EDNRB: variants seen among roughly 807,000 people sequenced by gnomAD.
The protein encoded by EDNRB is endothelin receptor type B.
EDNRB carries 18 observed loss-of-function variants against 46.4 expected under a neutral mutation model. The ratio of observed to expected loss-of-function variants is 0.39; its 90% CI spans 0.27 to 0.57. The LOEUF (loss-of-function observed/expected upper bound fraction) is 0.57, where lower values mean the gene tolerates loss of function less well. Among genes scored for constraint, EDNRB ranks in the 20% least tolerant of loss-of-function variants. EDNRB has a pLI of 0.61. For missense variants in EDNRB, 434 were observed against 537.5 expected (o/e 0.81, Z 1.90); for synonymous variants, 213 against 204.9 (o/e 1.04, Z -0.34).
intron 1 of EDNRB, among the ~76,000 whole-genome samples, chr13:77,963,295 A>G (rs1260284606): frequency 6.6e-6 from 1 of 152,240 alleles, no homozygotes; most frequent in Non-Finnish European, 1.5e-5. Flanking sequence ...GAACCAAAAA[A>G]GAGCTCACAT....
intron 1 of EDNRB, among the ~76,000 whole-genome samples, chr13:77,964,376 C>T (rs891229516): frequency 2.0e-5 from 3 of 152,192 alleles, no homozygotes; most frequent in Admixed American, 2.0e-4. Context: ...TTGGAACCAA[C>T]CCAAATGTCC....
rs564797676 is a variant in EDNRB at position 77,906,351 on chromosome 13, A to G, written c.484-2744T>C. Among the ~76,000 whole-genome samples, 3 of 152,146 alleles carry G rather than the reference A, an allele frequency of 2.0e-5. No individual in the cohort carries two copies. The South Asian group carries it at 6.2e-4, about 32-fold the overall frequency. On this transcript the variant is annotated intron_variant, in intron 1 of 6. Transcript: ENST00000646607. ...ATTATGCTAGACCCAGCCTGGTACA[A>G]CTTATTCAGACAATATTCTGCTATT...
In EDNRB at chr13:77,948,411, G is replaced by A. The variant is rs545623862; in HGVS notation, c.-52+26936C>T. On this transcript the variant is annotated intron_variant, in intron 1 of 7. Transcript: ENST00000646948. Reference sequence around the variant, plus strand: ...CCATGTCTTTATTTGAGCTTGGGGAGAATTGCACAGTGCAGTGCTTGGTAC... The same window carrying A: ...CCATGTCTTTATTTGAGCTTGGGGAAAATTGCACAGTGCAGTGCTTGGTAC... Among the ~76,000 whole-genome samples, 8 of 152,332 alleles carry A rather than the reference G, an allele frequency of 5.3e-5. No individual in the cohort carries two copies. The South Asian group carries it at 1.7e-3, about 32-fold the overall frequency.
At chr13:77,917,158 C>G (rs1283161836) in intron 1 of EDNRB, among the ~76,000 whole-genome samples, 2 of 152,158 alleles carry the variant, frequency 1.3e-5, no homozygotes, top group Non-Finnish European at 2.9e-5. Flanking sequence ...GATGGGGTGC[C>G]ATCATATAGC....
At chr13:77,971,542 T>C (rs1332361115) in intron 1 of EDNRB, among the ~76,000 whole-genome samples, 4 of 151,278 alleles carry the variant, frequency 2.6e-5, no homozygotes, top group Non-Finnish European at 4.4e-5. Flanking sequence ...GTGTAAAGGG[T>C]TTTGTCAGGT....
chr13:77,912,503 T>G (rs1879621631), intron 1 of EDNRB, among the ~76,000 whole-genome samples: 1 of 152,128 alleles, frequency 6.6e-6, no homozygotes, highest in Admixed American at 6.6e-5. Context: ...AATCAAGCTT[T>G]CTTTTTCTTT....
At chr13:77,940,700 G>GGGGTGT (rs1555293693) in intron 1 of EDNRB, among the ~76,000 whole-genome samples, 8 of 149,094 alleles carry the variant, frequency 5.4e-5, no homozygotes, top group African/African-American at 2.0e-4. Flanking sequence ...AGATGAATTG[G>GGGGTGT]GTGTGTGTGT....
intron 1 of EDNRB, among the ~76,000 whole-genome samples, chr13:77,969,918 T>C (rs963267127): frequency 2.6e-5 from 4 of 152,226 alleles, no homozygotes; most frequent in Non-Finnish European, 5.9e-5. Flanking sequence ...GAAGCCTGCA[T>C]GTATCTGATT....
At chr13:77,925,748 G>A (rs1401398324) in intron 1 of EDNRB, among the ~76,000 whole-genome samples, 2 of 152,208 alleles carry the variant, frequency 1.3e-5, no homozygotes, top group African/African-American at 4.8e-5. Flanking sequence ...CCCTACTGGG[G>A]CACCGCCTAC....
At chr13:77,967,019 T>C (rs1159929163) in intron 1 of EDNRB, among the ~76,000 whole-genome samples, 2 of 152,186 alleles carry the variant, frequency 1.3e-5, no homozygotes, top group African/African-American at 4.8e-5. Flanking sequence ...TCCAAAGAAG[T>C]ACTGAAAGTT....
chr13:77,943,176 A>G (rs543308591), intron 1 of EDNRB, among the ~76,000 whole-genome samples: 113 of 152,230 alleles, frequency 7.4e-4, no homozygotes, highest in Non-Finnish European at 1.3e-3. Context: ...TTTCCTGTAG[A>G]GCAATATGTG....
chr13:77,916,398 G>C lies in EDNRB; in HGVS notation c.483+1693C>G, dbSNP rs1303032999. On this transcript the variant is annotated intron_variant, in intron 1 of 6. Coordinates refer to ENST00000646607, the MANE Select transcript of EDNRB (RefSeq NM_001122659.3). Reference sequence around the variant, plus strand: ...AAGGGTCACTTCTGGCCCTCATGGAGTTGTGGCTGCATTTAGAGATTCAAT... The same window carrying C: ...AAGGGTCACTTCTGGCCCTCATGGACTTGTGGCTGCATTTAGAGATTCAAT... 2.6e-5 allele frequency among the ~76,000 whole-genome samples: 4 copies of C among 152,188 alleles called. No homozygotes were observed. The East Asian group carries it at 7.7e-4, about 29-fold the overall frequency.
intron 1 of EDNRB, chr13:77,940,136 G>T (rs1880700770): frequency 6.6e-6 from 1 of 152,116 alleles, no homozygotes; most frequent in Admixed American, 6.5e-5. Context: ...AGACATTTGT[G>T]CAAGCGAAGA....
At chr13:77,955,327 C>G (rs776998131) in intron 1 of EDNRB, among the ~76,000 whole-genome samples, 3 of 151,992 alleles carry the variant, frequency 2.0e-5, no homozygotes, top group Non-Finnish European at 2.9e-5. Flanking sequence ...TGTTCATTTT[C>G]TTGCTATTGA....
intron 1 of EDNRB, among the ~76,000 whole-genome samples, chr13:77,926,044 G>A (rs1443612761): frequency 6.6e-6 from 1 of 152,138 alleles, no homozygotes; most frequent in East Asian, 1.9e-4. Context: ...GCATGGGGCC[G>A]GAAGCCCCTT....
chr13:77,945,240 G>A (rs912196218), intron 1 of EDNRB, among the ~76,000 whole-genome samples: 3 of 152,026 alleles, frequency 2.0e-5, no homozygotes, highest in Admixed American at 1.3e-4. Context: ...GAACTTTCTT[G>A]CTATTGCTAA....
chr13:77,956,453 T>A (rs143819779), intron 1 of EDNRB, among the ~76,000 whole-genome samples: 15 of 152,282 alleles, frequency 9.9e-5, no homozygotes, highest in Middle Eastern at 3.4e-3. Context: ...GATCATGTCA[T>A]CCCCAAACAC....
upstream of EDNRB, chr13:77,920,036 C>T (rs965617234): frequency 6.2e-6 from 1 of 160,484 alleles, no homozygotes; most frequent in Non-Finnish European, 1.4e-5. Context: ...CGGAACAGCT[C>T]GATCTTTTCT....
intron 1 of EDNRB, among the ~76,000 whole-genome samples, chr13:77,952,306 C>T (rs144940172): frequency 6.6e-6 from 1 of 152,234 alleles, no homozygotes; most frequent in African/African-American, 2.4e-5. Context: ...GATTAAGTTT[C>T]TTCATTACTA....
Sources: gnomAD v4.1 joint callset for allele counts (sites outside exome capture counted in the v4.1 genomes callset) on GRCh38, gnomAD v4.1.1 for gene constraint, MANE v1.5 for transcripts, NCBI Gene and HGNC (gene_info 2026-07-23, HGNC 2026-07-21) for gene names.